The following KIAA1958 variants were observed in gnomAD, a reference collection of about 807,000 sequenced individuals.
KIAA1958 encodes the protein KIAA1958.
A neutral mutation model predicts 47.2 loss-of-function variants in KIAA1958; 14 were observed. That is an observed-to-expected ratio of 0.30 (90% CI 0.20 to 0.46). KIAA1958 has a LOEUF of 0.46. KIAA1958 is among the 20% of genes least tolerant of loss of function. KIAA1958 has a pLI of 1.00. For synonymous variants in KIAA1958, 354 were observed against 353.3 expected, an observed-to-expected ratio of 1.00 and a Z score of -0.02; for missense variants, 803 against 909.2, an observed-to-expected ratio of 0.88 and a Z score of 1.50.
intron 1 of KIAA1958, among the ~76,000 whole-genome samples, chr9:112,555,752 A>G (rs1347379756): frequency 6.6e-6 from 1 of 152,190 alleles, no homozygotes; most frequent in Non-Finnish European, 1.5e-5. Flanking sequence ...TAAGAGTGGA[A>G]CCCTCATGAC....
intron 1 of KIAA1958, among the ~76,000 whole-genome samples, chr9:112,523,691 T>C (rs1834593214): frequency 6.6e-6 from 1 of 152,174 alleles, no homozygotes; most frequent in African/African-American, 2.4e-5. Flanking sequence ...TCTCAGAAGT[T>C]ACCACATGTA....
intron 1 of KIAA1958, among the ~76,000 whole-genome samples, chr9:112,502,976 G>A (rs886570267): frequency 6.6e-6 from 1 of 152,058 alleles, no homozygotes; most frequent in East Asian, 1.9e-4. Context: ...ATATCTAATG[G>A]GTATTCACCA....
At chr9:112,595,372 T>C (rs914088787) in intron 2 of KIAA1958, among the ~76,000 whole-genome samples, 4 of 152,136 alleles carry the variant, frequency 2.6e-5, no homozygotes, top group African/African-American at 7.2e-5. Context: ...ATCTAAGAAA[T>C]TAAGCTGGCC....
chr9:112,487,148 A>G (rs1320726151), intron 1 of KIAA1958, 30 bp downstream of exon 1: 1 of 199,324 alleles, frequency 5.0e-6, no homozygotes. Context: ...CGGGGCGGGG[A>G]CGAGTGCGCC....
intron 1 of KIAA1958, among the ~76,000 whole-genome samples, chr9:112,548,278 T>G (rs1244149068): frequency 6.6e-6 from 1 of 152,202 alleles, no homozygotes; most frequent in East Asian, 1.9e-4. Context: ...TGTTAGCCAC[T>G]GCGCCCGGCC....
At position 112,502,023 on chromosome 9, in the gene KIAA1958, C is replaced by T. The variant is rs577030492; in HGVS notation, c.-25+14905C>T. On this transcript the variant is annotated intron_variant, in intron 1 of 3. Coordinates refer to ENST00000337530, the MANE Select transcript of KIAA1958 (RefSeq NM_133465.4). ...GATAATCACACACAAAATACTATGGCAATCCAGAAGCTTTTTTTAAATACT... is the reference window on the plus strand; with the variant it reads ...GATAATCACACACAAAATACTATGGTAATCCAGAAGCTTTTTTTAAATACT... 1.0e-3 allele frequency among the ~76,000 whole-genome samples: 154 copies of T among 152,192 alleles called. 1 individual carries two copies. Among genetic ancestry groups the T allele is most frequent in the African/African-American group, 3.4e-3 (143 of 41,500 alleles).
chr9:112,493,165 CTT>C (rs55780025), intron 1 of KIAA1958, among the ~76,000 whole-genome samples: 7 of 149,426 alleles, frequency 4.7e-5, no homozygotes, highest in African/African-American at 4.9e-5. Context: ...TCTTTTAGTG[CTT>C]TTTTTTTTTC....
At chr9:112,561,475 G>T (rs1252085750) in intron 1 of KIAA1958, among the ~76,000 whole-genome samples, 1 of 152,138 alleles carries the variant, frequency 6.6e-6, no homozygotes, top group Non-Finnish European at 1.5e-5. Flanking sequence ...TGTTATTAAT[G>T]GCAGTATCCC....
At position 112,574,321 on chromosome 9, in the gene KIAA1958, A is replaced by G; in HGVS notation, c.241A>G (p.Asn81Asp). ...CTGTTTCCAGGATAACAGAAGTTTT[A>G]ACTCTGATAGTCCCAGTATAATCGG... ...RVCFQDNRSF[N>D]SDSPSIIGVP... is the part of the protein sequence containing the mutation. The change falls in exon 2 of 4, where the codon AAC becomes GAC. Residue 81 changes from asparagine (N) to aspartate (D), a missense_variant. This residue lies in a region of KIAA1958 where 761 missense variants were observed against 829.3 expected (regional missense o/e 0.92). Transcript: ENST00000337530. 1 of 1,614,158 alleles carries G rather than the reference A, an allele frequency of 6.2e-7. No homozygotes were observed. Among genetic ancestry groups the G allele is most frequent in the Non-Finnish European group, 8.5e-7 (1 of 1,180,008 alleles).
intron 1 of KIAA1958, among the ~76,000 whole-genome samples, chr9:112,543,354 A>G (rs1028889348): frequency 6.6e-6 from 1 of 152,186 alleles, no homozygotes; most frequent in African/African-American, 2.4e-5. Context: ...GGGCACTCAG[A>G]AGTAACCATC....
At chr9:112,592,185 C>T (rs753772363) in intron 2 of KIAA1958, among the ~76,000 whole-genome samples, 2 of 152,116 alleles carry the variant, frequency 1.3e-5, no homozygotes, top group African/African-American at 2.4e-5. Context: ...GGTTGCTTTA[C>T]GAGGAAGTTA....
intron 2 of KIAA1958, among the ~76,000 whole-genome samples, chr9:112,589,560 C>G (rs933980668): frequency 1.3e-5 from 2 of 152,186 alleles, no homozygotes; most frequent in Non-Finnish European, 2.9e-5. Context: ...CCAGCCTGAG[C>G]AACAAGAGTG....
At chr9:112,594,514 A>G (rs1194751307) in intron 2 of KIAA1958, among the ~76,000 whole-genome samples, 11 of 152,210 alleles carry the variant, frequency 7.2e-5, no homozygotes, top group Non-Finnish European at 4.4e-5. Context: ...GTTTCTTAGC[A>G]TAATGTTTCA....
intron 1 of KIAA1958, among the ~76,000 whole-genome samples, chr9:112,496,783 A>G (rs1834058043): frequency 6.6e-6 from 1 of 152,100 alleles, no homozygotes; most frequent in Non-Finnish European, 1.5e-5. Context: ...TTGTTCTTAG[A>G]TACAATTTCA....
intron 2 of KIAA1958, among the ~76,000 whole-genome samples, chr9:112,642,619 A>G (rs1011151097): frequency 1.3e-5 from 2 of 151,950 alleles, no homozygotes; most frequent in Admixed American, 6.6e-5. Context: ...GCTCCTCCTC[A>G]CCTTAAGCTC....
At chr9:112,517,047 C>CT (rs1834448620) in intron 1 of KIAA1958, among the ~76,000 whole-genome samples, 1 of 152,222 alleles carries the variant, frequency 6.6e-6, no homozygotes, top group South Asian at 2.1e-4. Context: ...GTGTTACAGT[C>CT]TGTTTACACA....
At chr9:112,497,586 T>C (rs1382578577) in intron 1 of KIAA1958, among the ~76,000 whole-genome samples, 1 of 152,164 alleles carries the variant, frequency 6.6e-6, no homozygotes, top group Non-Finnish European at 1.5e-5. Flanking sequence ...AGCAAATGAA[T>C]CCACTGACAT....
rs1327157356 is a variant in KIAA1958 at position 112,661,721 on chromosome 9, C to T, written c.*1652C>T. 1 of 152,168 alleles carries T rather than the reference C, an allele frequency of 6.6e-6. No homozygotes were observed. Among genetic ancestry groups the T allele is most frequent in the African/African-American group, 2.4e-5 (1 of 41,442 alleles). 9.4% of individuals were successfully genotyped at this position (152,168 alleles called of 1,614,324 possible). A position where few individuals can be genotyped will look rare whatever the true frequency, so the allele number is the denominator to read the frequency against. On this transcript the variant is annotated 3_prime_UTR_variant, in exon 4 of 4. Coordinates refer to ENST00000337530, the MANE Select transcript of KIAA1958 (RefSeq NM_133465.4). ...TAAGTTTGTTTACTAGTTGACCTTT[C>T]CTGAATAGAGATTAGTTTCGGCATT... is the stretch of plus-strand genomic sequence containing the variant.
chr9:112,539,219 A>G (rs774276639), intron 1 of KIAA1958, among the ~76,000 whole-genome samples: 19 of 152,224 alleles, frequency 1.2e-4, no homozygotes, highest in Non-Finnish European at 2.4e-4. Context: ...TATTGGAAAC[A>G]TTTGTCCACA....
Sources: allele counts gnomAD v4.1 joint callset (sites outside exome capture counted in the v4.1 genomes callset), GRCh38; gene constraint gnomAD v4.1.1; regional missense constraint gnomAD v4.1.1; transcripts MANE v1.5; gene names NCBI Gene and HGNC (gene_info 2026-07-23, HGNC 2026-07-21).